Variants in TFG observed in about 807,000 individuals in gnomAD.
TFG encodes trafficking from ER to golgi regulator.
In TFG, 22 loss-of-function variants were observed where a neutral mutation model predicts 51.4. The ratio of observed to expected loss-of-function variants is 0.43; its 90% CI spans 0.31 to 0.61. The LOEUF is 0.61. Ranked by LOEUF, TFG falls within the 20% of genes least tolerant of loss-of-function variation. The pLI, the probability that TFG is intolerant of heterozygous loss-of-function variation, is 0.12. For synonymous variants in TFG, 187 were observed against 165.6 expected (o/e 1.13, Z -0.99); for missense variants, 419 against 487.7 (o/e 0.86, Z 1.33).
chr3:100,723,171 G>A (rs773089017), intron 3 of TFG, among the ~76,000 whole-genome samples: 2 of 151,970 alleles, frequency 1.3e-5, no homozygotes, highest in Non-Finnish European at 2.9e-5. Context: ...AGAAAGGAAG[G>A]GATGATAGGA....
In TFG at chr3:100,744,815, G is replaced by A; in HGVS notation, c.722-18G>A. 1.3e-6 allele frequency: 2 copies of A among 1,570,304 alleles called. No individual in the cohort carries two copies. The highest frequency in any genetic ancestry group is 1.8e-6 in the Non-Finnish European group (2 of 1,141,044). On this transcript the variant is annotated intron_variant, in intron 6 of 7. Coordinates refer to ENST00000240851, the MANE Select transcript of TFG (RefSeq NM_006070.6). ...AAACATGCCTTTTTTCCTTGTGTGTGTGTGTGTGTGTTTTCAGGTCAGATG... is the reference window on the plus strand; with the variant it reads ...AAACATGCCTTTTTTCCTTGTGTGTATGTGTGTGTGTTTTCAGGTCAGATG...
At chr3:100,720,453 C>T (rs2095057590) in intron 3 of TFG, among the ~76,000 whole-genome samples, 1 of 152,210 alleles carries the variant, frequency 6.6e-6, no homozygotes. Flanking sequence ...TAGTCGCCAA[C>T]CTTTTTGCAC....
chr3:100,744,776 C>A lies in TFG; in HGVS notation c.722-57C>A. 7 of 1,136,480 alleles carry A rather than the reference C, an allele frequency of 6.2e-6. No individual in the cohort carries two copies. The South Asian group carries it at 9.0e-5, about 15-fold the overall frequency. 70.4% of individuals were successfully genotyped at this position (1,136,480 alleles called of 1,614,324 possible). A position where few individuals can be genotyped will look rare whatever the true frequency, so the allele number is the denominator to read the frequency against. ...ATGTATATGTATCTTAAAAATATTTCTCTTTGCCACATTAAACATGCCTTT... is the reference window on the plus strand; with the variant it reads ...ATGTATATGTATCTTAAAAATATTTATCTTTGCCACATTAAACATGCCTTT... On this transcript the variant is annotated intron_variant, in intron 6 of 7. Coordinates refer to ENST00000240851, the MANE Select transcript of TFG (RefSeq NM_006070.6).
At chr3:100,739,021 A>G (rs549247291) in intron 6 of TFG, among the ~76,000 whole-genome samples, 5 of 152,334 alleles carry the variant, frequency 3.3e-5, no homozygotes, top group South Asian at 4.1e-4. Context: ...CAGGTGCTCA[A>G]TAGCCACATG....
chr3:100,730,498 A>T (rs2095088530), intron 4 of TFG, among the ~76,000 whole-genome samples: 1 of 152,220 alleles, frequency 6.6e-6, no homozygotes, highest in South Asian at 2.1e-4. Flanking sequence ...TGATAAGATG[A>T]TATAAGAATA....
At chr3:100,714,745 GTTTC>G (rs2095040997) in intron 2 of TFG, among the ~76,000 whole-genome samples, 1 of 152,140 alleles carries the variant, frequency 6.6e-6, no homozygotes, top group Admixed American at 6.5e-5. Context: ...AGACAAAAGT[GTTTC>G]TTTATTGTAG....
intron 2 of TFG, among the ~76,000 whole-genome samples, chr3:100,714,743 G>A (rs904839989): frequency 2.0e-5 from 3 of 152,154 alleles, no homozygotes; most frequent in Admixed American, 1.3e-4. Flanking sequence ...AAAGACAAAA[G>A]TGTTTCTTTA....
chr3:100,732,538 CTTCTGA>C lies in TFG; in HGVS notation c.451_456del (p.Asp151_Ser152del). The C allele has an allele frequency of 1.2e-6, 2 of 1,611,370 alleles. No individual in the cohort carries two copies. Among genetic ancestry groups the C allele is most frequent in the Non-Finnish European group, 1.7e-6 (2 of 1,178,898 alleles). On this transcript the variant is annotated inframe_deletion, in exon 5 of 8. Transcript: ENST00000240851. ...GTGGATGGTAGGGAAGAAAAGTCTG[CTTCTGA>C]TTCTTCTGGAAAACAGTCTACTCAG...
At chr3:100,748,029 G>T in intron 7 of TFG, 120 bp from the exon 8 acceptor site, 1 of 886,148 alleles carries the variant, frequency 1.1e-6, no homozygotes, top group East Asian at 2.6e-5. Flanking sequence ...CACTCTGCTT[G>T]TTACATACAT....
At chr3:100,727,033 A>T (rs552131078) in intron 3 of TFG, among the ~76,000 whole-genome samples, 164 of 152,126 alleles carry the variant, frequency 1.1e-3, no homozygotes, top group Non-Finnish European at 1.4e-3. Context: ...TTGTTTGGTC[A>T]TTTTTCTGGT....
At chr3:100,733,354 C>G (rs1396709581) in intron 5 of TFG, among the ~76,000 whole-genome samples, 2 of 152,132 alleles carry the variant, frequency 1.3e-5, no homozygotes, top group Non-Finnish European at 2.9e-5. Flanking sequence ...GCTGTGATTT[C>G]TAATATGCTG....
chr3:100,745,762 G>A (rs1029397197), intron 7 of TFG, among the ~76,000 whole-genome samples: 1 of 152,304 alleles, frequency 6.6e-6, no homozygotes, highest in African/African-American at 2.4e-5. Context: ...AGTCAGTAAA[G>A]TATAGCCCAC....
intron 6 of TFG, among the ~76,000 whole-genome samples, chr3:100,741,284 A>T (rs2095120499): frequency 6.6e-6 from 1 of 152,116 alleles, no homozygotes; most frequent in South Asian, 2.1e-4. Context: ...GACCCTGAAG[A>T]CCTTCCAGTG....
At chr3:100,741,139 T>G (rs2095120137) in intron 6 of TFG, among the ~76,000 whole-genome samples, 1 of 144,490 alleles carries the variant, frequency 6.9e-6, no homozygotes, top group Non-Finnish European at 1.5e-5. Flanking sequence ...TACTATATTT[T>G]TAAATCATTA....
chr3:100,727,950 A>G (rs2095080505), intron 3 of TFG, among the ~76,000 whole-genome samples: 1 of 152,264 alleles, frequency 6.6e-6, no homozygotes, highest in African/African-American at 2.4e-5. Context: ...CTCCCACCCC[A>G]GCCTCCTGAG....
intron 4 of TFG, among the ~76,000 whole-genome samples, chr3:100,731,662 T>C (rs1292220073): frequency 1.3e-5 from 2 of 152,144 alleles, no homozygotes; most frequent in African/African-American, 4.8e-5. Flanking sequence ...GTTCAAGTGA[T>C]TCTCGTGACT....
intron 1 of TFG, among the ~76,000 whole-genome samples, chr3:100,712,312 G>A (rs2095033524): frequency 6.6e-6 from 1 of 152,154 alleles, no homozygotes; most frequent in Non-Finnish European, 1.5e-5. Context: ...TGGGGGAGTA[G>A]GTGAGTGCTT....
chr3:100,713,891 T>C (rs780912232), intron 2 of TFG, 22 bp downstream of exon 2: 23 of 1,362,108 alleles, frequency 1.7e-5, no homozygotes, highest in Non-Finnish European at 2.3e-5. Flanking sequence ...TTTAAAGCTA[T>C]TTTTTAAAGT....
intron 2 of TFG, among the ~76,000 whole-genome samples, chr3:100,717,327 G>A (rs1026901127): frequency 2.0e-5 from 3 of 152,042 alleles, no homozygotes; most frequent in African/African-American, 7.2e-5. Flanking sequence ...TATATTTTGA[G>A]GTCAGTAAGT....
Sources: allele counts gnomAD v4.1 joint callset (sites outside exome capture counted in the v4.1 genomes callset), GRCh38; gene constraint gnomAD v4.1.1; transcripts MANE v1.5; gene names NCBI Gene and HGNC (gene_info 2026-07-23, HGNC 2026-07-21).